Variants in JAKMIP3 observed in about 807,000 individuals in gnomAD.
The protein encoded by JAKMIP3 is janus kinase and microtubule-interacting protein 3.
In JAKMIP3, 58 loss-of-function variants were observed where a neutral mutation model predicts 118.5. That is an observed-to-expected ratio of 0.49 (90% CI 0.40 to 0.61). The LOEUF (loss-of-function observed/expected upper bound fraction) is 0.61. Among genes scored for constraint, JAKMIP3 ranks in the 20% least tolerant of loss-of-function variants. JAKMIP3 has a pLI of 0.00. For synonymous variants in JAKMIP3, 486 were observed against 451.2 expected (o/e 1.08, Z -0.98); for missense variants, 950 against 1,109.0 (o/e 0.86, Z 2.04).
chr10:132,103,471 GCTGGAGGGGAAGAGCAC>G (rs1349775299), intron 1 of JAKMIP3, among the ~76,000 whole-genome samples: 3 of 80,860 alleles, frequency 3.7e-5, no homozygotes, highest in Non-Finnish European at 7.4e-5. Flanking sequence ...GGGAGGAGCA[GCTGGAGGGGAAGAGCAC>G]CTGGGGGAGA....
At chr10:132,047,869 A>AC (rs5789111) in intron 1 of JAKMIP3, among the ~76,000 whole-genome samples, 67 of 128,906 alleles carry the variant, frequency 5.2e-4, no homozygotes, top group Middle Eastern at 4.8e-3. Flanking sequence ...TGTGTTCCCC[A>AC]CCCCCCGCCC....
chr10:132,157,224 C>G (rs149773640), intron 19 of JAKMIP3, among the ~76,000 whole-genome samples: 1 of 152,110 alleles, frequency 6.6e-6, no homozygotes, highest in Non-Finnish European at 1.5e-5. Context: ...CTCTGAAGTG[C>G]GGGGTGTAAC....
intron 1 of JAKMIP3, among the ~76,000 whole-genome samples, chr10:132,073,857 A>G (rs1178373877): frequency 6.6e-6 from 1 of 152,120 alleles, no homozygotes; most frequent in East Asian, 1.9e-4. Flanking sequence ...TCTTTCTTAT[A>G]TAATTATTTC....
At chr10:132,161,010 A>ATGCTGGGGGGGGCCTCTCC (rs2058150597) in intron 19 of JAKMIP3, among the ~76,000 whole-genome samples, 1 of 3,794 alleles carries the variant, frequency 2.6e-4, no homozygotes, top group Non-Finnish European at 4.4e-4. Context: ...GGGGCCTCTC[A>ATGCTGGGGGGGGCCTCTCC]CTGTGTGATG....
chr10:132,046,838 A>G (rs1490894012), intron 1 of JAKMIP3, among the ~76,000 whole-genome samples: 1 of 152,232 alleles, frequency 6.6e-6, no homozygotes, highest in Non-Finnish European at 1.5e-5. Context: ...CCGCTTGGGA[A>G]CACTGATTAA....
chr10:132,180,714 T>TGTGTGCGC, intron 23 of JAKMIP3, among the ~76,000 whole-genome samples: 1 of 26,610 alleles, frequency 3.8e-5, no homozygotes, highest in African/African-American at 2.2e-4. Flanking sequence ...TGTGCGCGTG[T>TGTGTGCGC]GTGTGCGTGT....
chr10:132,146,959 TG>T (rs1380805850), intron 13 of JAKMIP3, among the ~76,000 whole-genome samples: 1 of 152,216 alleles, frequency 6.6e-6, no homozygotes, highest in Non-Finnish European at 1.5e-5. Context: ...CGTGCACACT[TG>T]AACACGCACA....
intron 12 of JAKMIP3, 148 bp from the exon 13 acceptor site, chr10:132,145,370 C>T (rs777104740): frequency 4.5e-5 from 41 of 915,384 alleles, no homozygotes; most frequent in African/African-American, 1.7e-4. Context: ...TGTGCCACCA[C>T]GCCCGGCTAA....
chr10:132,121,570 G>A (rs1278998419), intron 3 of JAKMIP3, among the ~76,000 whole-genome samples: 1 of 152,186 alleles, frequency 6.6e-6, no homozygotes, highest in East Asian at 1.9e-4. Flanking sequence ...ATCGATCTTT[G>A]CTCACGGTCA....
Position 132,184,738 on chromosome 10 carries a change from A to G in JAKMIP3, c.*3485A>G, listed in dbSNP as rs1204818658. 6.6e-6 allele frequency: 1 copy of G among 152,226 alleles called. No individual in the cohort carries two copies. The highest frequency in any genetic ancestry group is 1.5e-5 in the Non-Finnish European group (1 of 68,050). 9.4% of individuals were successfully genotyped at this position (152,226 alleles called of 1,614,324 possible). ...ATATTTTTGTATTGTGATTCCTATG[A>G]TATATACCAGAGAATTTTTTACTCG... On this transcript the variant is annotated 3_prime_UTR_variant, in exon 24 of 24. Transcript: ENST00000684848.
chr10:132,071,867 CTTT>C, intron 1 of JAKMIP3, among the ~76,000 whole-genome samples: 3 of 91,034 alleles, frequency 3.3e-5, no homozygotes, highest in African/African-American at 1.6e-4. Context: ...TCTTTCCTTT[CTTT>C]CTTTCCTTCC....
rs2048036334 is a variant in JAKMIP3, at chr10:132,118,315, G to A, written c.633+741G>A. On this transcript the variant is annotated intron_variant, in intron 3 of 23. Transcript: ENST00000684848. This position sits in a 1 kb window ranked among gnomAD's most constrained non-coding sequence, Gnocchi z 4.8. ...CAGCTGACGAGAATGTCCAGGGATT[G>A]CAAGGGACTGATTCCACCCGATGCC... Among the ~76,000 whole-genome samples the A allele has an allele frequency of 6.6e-6, 1 of 152,254 alleles. No individual in the cohort carries two copies. The highest frequency in any genetic ancestry group is 1.5e-5 in the Non-Finnish European group (1 of 68,046).
chr10:132,099,186 C>T (rs144547192), intron 1 of JAKMIP3, among the ~76,000 whole-genome samples: 44 of 152,114 alleles, frequency 2.9e-4, no homozygotes, highest in African/African-American at 1.0e-3. Context: ...GTAAACAGCC[C>T]GACAGGGACA....
intron 1 of JAKMIP3, among the ~76,000 whole-genome samples, chr10:132,052,340 A>G (rs2038125875): frequency 6.6e-6 from 1 of 152,160 alleles, no homozygotes; most frequent in Non-Finnish European, 1.5e-5. Context: ...CCCTTGGCAC[A>G]TTTTGTTATT....
At chr10:132,139,245 T>TGTGAGC (rs1196484029) in intron 9 of JAKMIP3, among the ~76,000 whole-genome samples, 1 of 120,270 alleles carries the variant, frequency 8.3e-6, no homozygotes, top group Admixed American at 7.9e-5. Flanking sequence ...TGCATCTGTG[T>TGTGAGC]GTGTATGTGT....
At chr10:132,159,856 C>T (rs369581303) in intron 19 of JAKMIP3, among the ~76,000 whole-genome samples, 494 of 26,468 alleles carry the variant, frequency 0.019, 1 homozygote, top group East Asian at 0.027. Flanking sequence ...GGGGGCCTCT[C>T]CCTGTGTGAT....
At chr10:132,133,117 G>A (rs960834318) in intron 3 of JAKMIP3, among the ~76,000 whole-genome samples, 195 bp from the exon 4 acceptor site, 1 of 152,208 alleles carries the variant, frequency 6.6e-6, no homozygotes, top group Non-Finnish European at 1.5e-5. Flanking sequence ...CTGCGTAGCC[G>A]GCTGAGCCAG....
In JAKMIP3 at chr10:132,039,772, CG is replaced by C. The variant is rs538638627; in HGVS notation, c.-138+3036del. Among the ~76,000 whole-genome samples the C allele has an allele frequency of 1.1e-3, 173 of 152,372 alleles. 7 individuals carry two copies. In the South Asian group the frequency reaches 0.035, roughly 30 times the overall value. On this transcript the variant is annotated intron_variant, in intron 1 of 23. Transcript: ENST00000657785. Reference sequence around the variant, plus strand: ...AAGCTTCATTTCTGGCCTCCTCTCTCGGCCTCCAGCCGCTGTATTGACTTGG... The same window carrying C: ...AAGCTTCATTTCTGGCCTCCTCTCTCGCCTCCAGCCGCTGTATTGACTTGG...
At chr10:132,160,145 T>C (rs868603512) in intron 19 of JAKMIP3, among the ~76,000 whole-genome samples, 13 of 52,868 alleles carry the variant, frequency 2.5e-4, no homozygotes, top group East Asian at 7.9e-4. Flanking sequence ...GGGGGTCTCT[T>C]CCTGTGTGAT....
Sources: allele counts gnomAD v4.1 joint callset (sites outside exome capture counted in the v4.1 genomes callset), GRCh38; gene constraint gnomAD v4.1.1; non-coding constraint Gnocchi (gnomAD v3.1); transcripts MANE v1.5; gene names NCBI Gene and HGNC (gene_info 2026-07-23, HGNC 2026-07-21).